The following PAM variants were observed in gnomAD, a reference collection of about 807,000 sequenced individuals.
PAM encodes the protein peptidyl-glycine alpha-amidating monooxygenase.
Under a neutral mutation model 122.1 loss-of-function variants are expected in PAM, and 72 were observed. That is an observed-to-expected ratio of 0.59 (90% CI 0.49 to 0.72). The LOEUF (loss-of-function observed/expected upper bound fraction) is 0.72. Among genes scored for constraint, PAM ranks in the 30% least tolerant of loss-of-function variants. The pLI is 0.00. For synonymous variants in PAM, 389 were observed against 404.4 expected, an observed-to-expected ratio of 0.96 and a Z score of 0.46; for missense variants, 1,106 against 1,183.7, an observed-to-expected ratio of 0.93 and a Z score of 0.96.
In PAM at chr5:103,028,199, C is replaced by A. The variant is rs1361495181; in HGVS notation, c.2704C>A (p.Leu902Ile). ...TTTTTTAGCAGATTCTGAACACAAA[C>A]TCGAGACGAGTTCAGGAAGAGTACT... Reference protein sequence around the residue: ...SRAFGDSEHKLETSSGRVLGR... With the variant: ...SRAFGDSEHKIETSSGRVLGR... Residue 902 changes from leucine to isoleucine, a missense_variant, in exon 25 of 26, where the codon CTC becomes ATC. Coordinates refer to ENST00000438793, the MANE Select transcript of PAM (RefSeq NM_001177306.2). 2 of 1,612,620 alleles carry A rather than the reference C, an allele frequency of 1.2e-6. No individual in the cohort carries two copies. The highest frequency in any genetic ancestry group is 1.1e-5 in the South Asian group (1 of 90,972).
chr5:102,859,104 G>T (rs1177935689), intron 1 of PAM, among the ~76,000 whole-genome samples: 1 of 152,144 alleles, frequency 6.6e-6, no homozygotes, highest in Non-Finnish European at 1.5e-5. Flanking sequence ...ATTGGTTTAT[G>T]CATTTACAAT....
intron 3 of PAM, among the ~76,000 whole-genome samples, chr5:102,875,510 A>G (rs1469024940): frequency 6.6e-6 from 1 of 152,134 alleles, no homozygotes; most frequent in East Asian, 1.9e-4. Context: ...AAATCCTTGA[A>G]TAACTTTTTC....
At chr5:103,006,643 T>C (rs906471361) in intron 18 of PAM, among the ~76,000 whole-genome samples, 158 bp from the exon 19 acceptor site, 4 of 152,208 alleles carry the variant, frequency 2.6e-5, no homozygotes, top group African/African-American at 9.6e-5. Flanking sequence ...AGATGATTTC[T>C]AGGATCCCGT....
rs555135869 is a variant in PAM, at chr5:102,798,144, T to C, written c.-374+42796T>C. 2.0e-5 allele frequency among the ~76,000 whole-genome samples: 3 copies of C among 152,300 alleles called. No individual in the cohort carries two copies. The East Asian group carries it at 5.8e-4, about 29-fold the overall frequency. ...TATAGAACCATAGTCTTTGTCAGTG[T>C]GTATCACACTGAATAACACTCAAAT... On this transcript the variant is annotated intron_variant, in intron 1 of 25. Transcript: ENST00000438793.
At chr5:103,027,208 G>A (rs532906526) in intron 24 of PAM, among the ~76,000 whole-genome samples, 44 of 152,284 alleles carry the variant, frequency 2.9e-4, no homozygotes, top group South Asian at 1.2e-3. Context: ...ATCAGACACT[G>A]TGCTAGGCAC....
chr5:103,016,759 A>G (rs1339283932), intron 21 of PAM, among the ~76,000 whole-genome samples: 1 of 152,246 alleles, frequency 6.6e-6, no homozygotes, highest in African/African-American at 2.4e-5. Context: ...ATAAGACTTC[A>G]AGAGTATAAA....
At chr5:103,017,960 T>A (rs938417144) in intron 22 of PAM, among the ~76,000 whole-genome samples, 1 of 152,188 alleles carries the variant, frequency 6.6e-6, no homozygotes, top group Non-Finnish European at 1.5e-5. Context: ...GTTGTCTAAG[T>A]ATAGATTTGC....
intron 21 of PAM, 66 bp from the exon 22 acceptor site, chr5:103,017,268 C>A: frequency 9.9e-7 from 1 of 1,007,660 alleles, no homozygotes; most frequent in Non-Finnish European, 1.6e-6. Context: ...CTTTGTTTTT[C>A]TGTCTTTTCA....
intron 5 of PAM, among the ~76,000 whole-genome samples, chr5:102,920,237 T>C (rs1048832026): frequency 1.3e-5 from 2 of 152,090 alleles, no homozygotes; most frequent in Admixed American, 1.3e-4. Context: ...GTAATGTGTT[T>C]GGTGTAGTGT....
intron 1 of PAM, among the ~76,000 whole-genome samples, chr5:102,853,479 G>C (rs1446710442): frequency 1.3e-5 from 2 of 152,150 alleles, no homozygotes; most frequent in Admixed American, 6.5e-5. Flanking sequence ...TATAGGTTCA[G>C]AATGAACAGT....
intron 5 of PAM, among the ~76,000 whole-genome samples, chr5:102,916,664 AGAT>A (rs1803205989): frequency 6.8e-6 from 1 of 147,282 alleles, no homozygotes; most frequent in African/African-American, 2.5e-5. Flanking sequence ...ATATATATAA[AGAT>A]TATAATACAT....
intron 21 of PAM, among the ~76,000 whole-genome samples, chr5:103,011,441 C>T (rs1374839879): frequency 6.6e-6 from 1 of 151,900 alleles, no homozygotes; most frequent in African/African-American, 2.4e-5. Context: ...GCTCTGGTAA[C>T]CATCCTTCTG....
chr5:103,028,661 T>G, intron 25 of PAM, among the ~76,000 whole-genome samples: 1 of 152,204 alleles, frequency 6.6e-6, no homozygotes, highest in East Asian at 1.9e-4. Flanking sequence ...TATGAAATAT[T>G]CCTGCAGAAA....
intron 14 of PAM, among the ~76,000 whole-genome samples, chr5:102,965,162 G>GAC (rs66633444): frequency 0.16 from 22,757 of 138,624 alleles, 1,943 homozygotes; most frequent in Admixed American, 0.22. Context: ...TTCCAAAGCA[G>GAC]ACACACACAC....
rs564871333 is a variant in PAM at position 102,950,921 on chromosome 5, C to T, written c.905+101C>T. On this transcript the variant is annotated intron_variant, in intron 12 of 25. Transcript: ENST00000438793. ...GTGAATAAATTGTACATTTTTTGTC[C>T]TGTCATGGACAATTACAACAAACTG... 155 of 707,900 alleles carry T rather than the reference C, an allele frequency of 2.2e-4. No homozygotes were observed. In the African/African-American group the frequency reaches 2.6e-3, roughly 12 times the overall value. The allele number at this position is 707,900 out of a possible 1,614,324, so 43.9% of individuals were successfully genotyped here.
Position 103,028,916 on chromosome 5 carries a change from A to G in PAM, c.2773A>G (p.Asn925Asp), listed in dbSNP as rs539266448. 24 of 1,611,884 alleles carry G rather than the reference A, an allele frequency of 1.5e-5. No individual in the cohort carries two copies. The South Asian group carries it at 2.4e-4, about 16-fold the overall frequency. ...GKGSGGLNLG[N>D]FFASRKGYSR... ...GGGAAGTGGAGGCTTAAACCTTGGT[A>G]ATTTCTTTGCAAGCCGTAAGGGCTA... The change falls in exon 26 of 26, where the codon AAT (asparagine) becomes GAT (aspartate). Residue 925 changes from asparagine (N) to aspartate (D), a missense_variant. By Grantham distance (23) the Asn-to-Asp change is conservative (BLOSUM62 1). This residue lies in a region of PAM where 333 missense variants were observed against 335.6 expected (regional missense o/e 0.99). Coordinates refer to ENST00000438793, the MANE Select transcript of PAM (RefSeq NM_001177306.2).
At chr5:102,837,487 A>G (rs1347953636) in intron 1 of PAM, among the ~76,000 whole-genome samples, 1 of 152,166 alleles carries the variant, frequency 6.6e-6, no homozygotes. Flanking sequence ...TTAAACTTAC[A>G]CTTCTTGCTT....
intron 5 of PAM, among the ~76,000 whole-genome samples, chr5:102,923,131 C>G (rs980463206): frequency 2.0e-5 from 3 of 152,214 alleles, no homozygotes; most frequent in African/African-American, 7.2e-5. Flanking sequence ...ATAACCTTAT[C>G]AAGACTTCCT....
At chr5:102,793,149 C>T (rs1762481999) in intron 1 of PAM, among the ~76,000 whole-genome samples, 2 of 151,950 alleles carry the variant, frequency 1.3e-5, no homozygotes, top group Non-Finnish European at 2.9e-5. Context: ...TATAGAACAC[C>T]GAAGATTCTT....
Sources: gnomAD v4.1 joint callset for allele counts (sites outside exome capture counted in the v4.1 genomes callset) on GRCh38, gnomAD v4.1.1 for gene constraint, gnomAD v4.1.1 regional missense constraint, MANE v1.5 for transcripts, NCBI Gene and HGNC (gene_info 2026-07-23, HGNC 2026-07-21) for gene names.